Variants in UBE3A observed in about 807,000 individuals in gnomAD.
UBE3A encodes the protein ubiquitin protein ligase E3A.
In UBE3A, 6 loss-of-function variants were observed where a neutral mutation model predicts 83.4. The observed-to-expected ratio is 0.07, with a 90% CI of 0.04 to 0.14. The LOEUF is 0.14. UBE3A is among the 10% of genes least tolerant of loss of function. The pLI, the probability that UBE3A is intolerant of heterozygous loss-of-function variation, is 1.00. For synonymous variants in UBE3A, 337 were observed against 355.4 expected, an observed-to-expected ratio of 0.95 and a Z score of 0.58; for missense variants, 456 against 1,036.1, an observed-to-expected ratio of 0.44 and a Z score of 7.69.
At chr15:25,421,439 T>C (rs1229277743) in intron 1 of UBE3A, among the ~76,000 whole-genome samples, 3 of 152,220 alleles carry the variant, frequency 2.0e-5, no homozygotes, top group Non-Finnish European at 4.4e-5. Flanking sequence ...GACATTATTA[T>C]TATTAAATGA....
chr15:25,418,794 G>A (rs948418699), intron 1 of UBE3A: 5 of 152,080 alleles, frequency 3.3e-5, no homozygotes, highest in African/African-American at 9.7e-5. Flanking sequence ...TCAGGTGGTG[G>A]AGTCTATGGC....
At chr15:25,414,553 A>G (rs2090533298) in intron 1 of UBE3A, among the ~76,000 whole-genome samples, 1 of 152,186 alleles carries the variant, frequency 6.6e-6, no homozygotes, top group Admixed American at 6.5e-5. Flanking sequence ...AAGGAAAACC[A>G]TTCTTTATGA....
intron 1 of UBE3A, among the ~76,000 whole-genome samples, chr15:25,437,748 T>C (rs1254709433): frequency 6.6e-6 from 1 of 152,180 alleles, no homozygotes; most frequent in African/African-American, 2.4e-5. Context: ...ATTTCTAAAA[T>C]TTTACGGACT....
chr15:25,339,065 A>ATTTTTAAAAT lies in UBE3A; in HGVS notation c.*62_*71dup, dbSNP rs1474810070. On this transcript the variant is annotated 3_prime_UTR_variant, in exon 13 of 13. Coordinates refer to ENST00000648336, the MANE Select transcript of UBE3A (RefSeq NM_130839.5). ...CCACCAAAAATTTATCCCTCGTTATATTTTTAAAATTTTTTAAATTTTTTC... is the reference window on the plus strand; with the variant it reads ...CCACCAAAAATTTATCCCTCGTTATATTTTTAAAATTTTTTAAAATTTTTTAAATTTTTTC... 62 of 1,443,022 alleles carry ATTTTTAAAAT rather than the reference A, an allele frequency of 4.3e-5. No homozygotes were observed. Among genetic ancestry groups the ATTTTTAAAAT allele is most frequent in the Non-Finnish European group, 5.5e-5 (60 of 1,100,072 alleles). The allele number at this position is 1,443,022 out of a possible 1,614,324, so 89.4% of individuals were successfully genotyped here.
intron 4 of UBE3A, among the ~76,000 whole-genome samples, chr15:25,395,933 G>A (rs931118374): frequency 5.9e-5 from 9 of 152,094 alleles, no homozygotes; most frequent in Admixed American, 1.3e-4. Flanking sequence ...GGTTGGGTGC[G>A]GTGGCTCAAG....
At chr15:25,436,986 A>G (rs116154412) in intron 1 of UBE3A, among the ~76,000 whole-genome samples, 1,716 of 152,322 alleles carry the variant, frequency 0.011, 40 homozygotes, top group African/African-American at 0.039. Flanking sequence ...TGTAAAGATT[A>G]TAAGTTACCT....
chr15:25,384,879 GTA>G (rs1162422126), intron 4 of UBE3A, among the ~76,000 whole-genome samples: 1 of 152,140 alleles, frequency 6.6e-6, no homozygotes, highest in Admixed American at 6.6e-5. Context: ...TCAACAAACT[GTA>G]TTGGGAAATC....
At chr15:25,433,458 T>A (rs2153187713) in intron 1 of UBE3A, among the ~76,000 whole-genome samples, 1 of 152,310 alleles carries the variant, frequency 6.6e-6, no homozygotes, top group Middle Eastern at 3.4e-3. Flanking sequence ...AGTGCTGGGA[T>A]GACAGGCGTG....
chr15:25,362,461 G>A (rs1424725147), intron 6 of UBE3A, among the ~76,000 whole-genome samples: 2 of 152,108 alleles, frequency 1.3e-5, no homozygotes, highest in Non-Finnish European at 2.9e-5. Context: ...TTAAGCCTCA[G>A]TTTCCTCAAC....
chr15:25,376,231 A>G (rs187632373), intron 4 of UBE3A, among the ~76,000 whole-genome samples: 11 of 152,360 alleles, frequency 7.2e-5, no homozygotes, highest in African/African-American at 2.6e-4. Flanking sequence ...CATTTGACTT[A>G]TAGTTAACAC....
rs575916950 is a variant in UBE3A at position 25,353,724 on chromosome 15, G to A, written c.2354+629C>T. 3.3e-5 allele frequency among the ~76,000 whole-genome samples: 5 copies of A among 152,282 alleles called. No individual in the cohort carries two copies. The East Asian group carries it at 9.7e-4, about 29-fold the overall frequency. ...TTCTCACTGCAATCCATCAGTAGCT[G>A]CCACTTGAACCAGTCTTAGCAGGGG... On this transcript the variant is annotated intron_variant, in intron 11 of 12. Coordinates refer to ENST00000648336, the MANE Select transcript of UBE3A (RefSeq NM_130839.5).
chr15:25,426,142 TAA>T (rs1176334196), intron 1 of UBE3A, among the ~76,000 whole-genome samples: 2 of 145,906 alleles, frequency 1.4e-5, no homozygotes, highest in South Asian at 2.1e-4. Context: ...AATATTTACT[TAA>T]GTGTTTTATT....
chr15:25,360,299 C>A, intron 7 of UBE3A, 84 bp downstream of exon 7: 1 of 1,579,020 alleles, frequency 6.3e-7, no homozygotes. Context: ...CTCTTCATAG[C>A]TGAAAATATT....
intron 4 of UBE3A, among the ~76,000 whole-genome samples, chr15:25,401,008 G>A (rs1224175503): frequency 6.6e-6 from 1 of 152,138 alleles, no homozygotes; most frequent in Admixed American, 6.5e-5. Context: ...TGTAGCACAA[G>A]AGAATACTGA....
chr15:25,434,965 TACATACACACACACACACAC>T (rs1355984323), intron 1 of UBE3A, among the ~76,000 whole-genome samples: 1 of 20,360 alleles, frequency 4.9e-5, no homozygotes, highest in Admixed American at 1.0e-3. Context: ...AAATTCTATA[TACATACACACACACACACAC>T]ACACACACAC....
rs1040965552 is a variant in UBE3A, at chr15:25,439,000, G to T, written c.-676C>A. ...ATCTTGGGAGACACACGGATCTCGCGGCCGCGGCGCAAGACGGGAGGACTG... is the reference window on the plus strand; with the variant it reads ...ATCTTGGGAGACACACGGATCTCGCTGCCGCGGCGCAAGACGGGAGGACTG... On this transcript the variant is annotated 5_prime_UTR_variant, in exon 1 of 13. Coordinates refer to ENST00000648336, the MANE Select transcript of UBE3A (RefSeq NM_130839.5). 2.0e-5 allele frequency: 3 copies of T among 152,190 alleles called. No individual in the cohort carries two copies. Among genetic ancestry groups the T allele is most frequent in the East Asian group, 1.9e-4 (1 of 5,130 alleles). The allele number at this position is 152,190 out of a possible 1,614,324, so 9.4% of individuals were successfully genotyped here. A position where few individuals can be genotyped will look rare whatever the true frequency, so the allele number is the denominator to read the frequency against.
At chr15:25,420,170 T>G (rs1006960660) in intron 1 of UBE3A, among the ~76,000 whole-genome samples, 2 of 152,082 alleles carry the variant, frequency 1.3e-5, no homozygotes, top group African/African-American at 4.8e-5. Context: ...CAAAATGATA[T>G]AATGTGCAAA....
Position 25,336,089 on chromosome 15 carries a change from A to C in UBE3A, c.*3048T>G, listed in dbSNP as rs1324421297. On this transcript the variant is annotated 3_prime_UTR_variant, in exon 13 of 13. Coordinates refer to ENST00000648336, the MANE Select transcript of UBE3A (RefSeq NM_130839.5). ...AATAAATGCCAACCCACTAACGGGGAGGGGAGAAAAGACTTGGGACTCTGT... is the reference window on the plus strand; with the variant it reads ...AATAAATGCCAACCCACTAACGGGGCGGGGAGAAAAGACTTGGGACTCTGT... The C allele has an allele frequency of 2.0e-5, 3 of 152,130 alleles. No homozygotes were observed. Among genetic ancestry groups the C allele is most frequent in the Non-Finnish European group, 4.4e-5 (3 of 68,028 alleles). 9.4% of individuals were successfully genotyped at this position (152,130 alleles called of 1,614,324 possible). A position where few individuals can be genotyped will look rare whatever the true frequency, so the allele number is the denominator to read the frequency against.
chr15:25,432,521 G>A (rs368973691), intron 1 of UBE3A, among the ~76,000 whole-genome samples: 2 of 152,180 alleles, frequency 1.3e-5, no homozygotes, highest in East Asian at 3.9e-4. Context: ...ATATGAAAAG[G>A]AACATCCTGA....
Sources: gnomAD v4.1 joint callset for allele counts (sites outside exome capture counted in the v4.1 genomes callset) on GRCh38, gnomAD v4.1.1 for gene constraint, MANE v1.5 for transcripts, NCBI Gene and HGNC (gene_info 2026-07-23, HGNC 2026-07-21) for gene names.